Variants in CSMD3 observed in about 807,000 individuals in gnomAD.
The protein encoded by CSMD3 is CUB and Sushi multiple domains 3.
Under a neutral mutation model 435.2 loss-of-function variants are expected in CSMD3, and 177 were observed. That is an observed-to-expected ratio of 0.41 (90% CI 0.36 to 0.46). The LOEUF is 0.46. CSMD3 is among the 20% of genes least tolerant of loss of function. The pLI is 0.34. For synonymous variants in CSMD3, 1,656 were observed against 1,520.5 expected (o/e 1.09, Z -2.07); for missense variants, 4,265 against 4,504.6 (o/e 0.95, Z 1.52).
rs550130731 is a variant in CSMD3, at chr8:112,913,336, G to A, written c.1633+8291C>T. Among the ~76,000 whole-genome samples, 17 of 151,698 alleles carry A rather than the reference G, an allele frequency of 1.1e-4. No individual in the cohort carries two copies. In the South Asian group the frequency reaches 2.9e-3, roughly 26 times the overall value. ...ATGCACAGTTCACAATAGGGTTCACGCTCCTATGACAATCTAATGCTGCTG... is the reference window on the plus strand; with the variant it reads ...ATGCACAGTTCACAATAGGGTTCACACTCCTATGACAATCTAATGCTGCTG... On this transcript the variant is annotated intron_variant, in intron 10 of 70. Coordinates refer to ENST00000297405, the MANE Select transcript of CSMD3 (RefSeq NM_198123.2).
chr8:112,718,533 A>G (rs2076786311), intron 13 of CSMD3, among the ~76,000 whole-genome samples: 1 of 150,406 alleles, frequency 6.6e-6, no homozygotes, highest in African/African-American at 2.4e-5. Context: ...ATATATATAT[A>G]TATGCATAAA....
intron 6 of CSMD3, among the ~76,000 whole-genome samples, chr8:113,007,972 G>A (rs2086118673): frequency 6.6e-6 from 1 of 151,654 alleles, no homozygotes; most frequent in African/African-American, 2.4e-5. Context: ...AAAGAAATGA[G>A]AAATATTCAT....
At chr8:112,326,887 C>T (rs898581568) in intron 45 of CSMD3, among the ~76,000 whole-genome samples, 31 of 151,730 alleles carry the variant, frequency 2.0e-4, no homozygotes, top group African/African-American at 6.1e-4. Context: ...ACAGGTGTGG[C>T]GGTGCATGCC....
chr8:112,902,471 T>A (rs2082131762), intron 10 of CSMD3, among the ~76,000 whole-genome samples: 1 of 151,440 alleles, frequency 6.6e-6, no homozygotes, highest in African/African-American at 2.4e-5. Context: ...GGAGAAAATT[T>A]ATCTTCTACT....
chr8:112,935,695 G>A (rs2083259207), intron 9 of CSMD3, among the ~76,000 whole-genome samples: 1 of 138,204 alleles, frequency 7.2e-6, no homozygotes. Context: ...TCCAAAATGA[G>A]CTCAATTATG....
chr8:112,937,437 G>A (rs2083317328), intron 9 of CSMD3, among the ~76,000 whole-genome samples: 3 of 146,834 alleles, frequency 2.0e-5, no homozygotes. Context: ...TGCAACCTCT[G>A]CCTCCTGGGC....
chr8:113,030,327 C>T (rs1159726624), intron 5 of CSMD3, among the ~76,000 whole-genome samples: 1 of 140,964 alleles, frequency 7.1e-6, no homozygotes, highest in Non-Finnish European at 1.5e-5. Flanking sequence ...CAAAGCAAGA[C>T]TAAGCAAAAA....
chr8:112,703,531 G>A (rs1332252555), intron 13 of CSMD3, among the ~76,000 whole-genome samples: 1 of 152,098 alleles, frequency 6.6e-6, no homozygotes, highest in Admixed American at 6.6e-5. Flanking sequence ...CAGATTTCCA[G>A]CCAAATAATA....
chr8:113,338,896 C>T (rs748117498), intron 1 of CSMD3, among the ~76,000 whole-genome samples: 2 of 151,872 alleles, frequency 1.3e-5, no homozygotes, highest in African/African-American at 4.8e-5. Flanking sequence ...TTTGTATTCT[C>T]TAAAATATGA....
chr8:112,734,004 C>T (rs1331108286), intron 13 of CSMD3, among the ~76,000 whole-genome samples: 2 of 151,692 alleles, frequency 1.3e-5, no homozygotes, highest in African/African-American at 4.8e-5. Context: ...TTTGATATTG[C>T]TTAGGGAAGC....
At chr8:112,605,944 CAG>C (rs1832758621) in intron 22 of CSMD3, among the ~76,000 whole-genome samples, 1 of 152,024 alleles carries the variant, frequency 6.6e-6, no homozygotes, top group African/African-American at 2.4e-5. Flanking sequence ...GCCTTTAAAG[CAG>C]AGATATGGCT....
At position 112,666,287 on chromosome 8, in the gene CSMD3, T is replaced by C; in HGVS notation, c.2806A>G (p.Thr936Ala). The C allele has an allele frequency of 6.2e-7, 1 of 1,610,888 alleles. No homozygotes were observed. The highest frequency in any genetic ancestry group is 8.5e-7 in the Non-Finnish European group (1 of 1,177,846). The change falls in exon 17 of 71, where the codon ACA becomes GCA. Residue 936 changes from threonine to alanine, a missense_variant. Around this residue, in one of 3 missense-constraint regions of CSMD3, gnomAD observed 3,255 missense variants for 3,380.2 expected, o/e 0.96. Coordinates refer to ENST00000297405, the MANE Select transcript of CSMD3 (RefSeq NM_198123.2). Reference sequence around the variant, plus strand: ...AAATATTTGTGAGACCTTTCAAATGTAATTTTGATAGAGTGTCCAGGTTCA... The same window carrying C: ...AAATATTTGTGAGACCTTTCAAATGCAATTTTGATAGAGTGTCCAGGTTCA... ...EAEPGHSIKI[T>A]FERFQTELNY...
intron 17 of CSMD3, among the ~76,000 whole-genome samples, chr8:112,663,861 C>A (rs1586920112): frequency 6.6e-6 from 1 of 152,214 alleles, no homozygotes; most frequent in South Asian, 2.1e-4. Flanking sequence ...TGAGAGAGTG[C>A]AGCAGCCTCA....
intron 4 of CSMD3, among the ~76,000 whole-genome samples, chr8:113,154,432 A>G (rs1274903718): frequency 6.6e-6 from 1 of 152,000 alleles, no homozygotes; most frequent in East Asian, 1.9e-4. Context: ...AAAATGTGTG[A>G]CCTTTGAAAA....
At chr8:113,073,656 C>T (rs2089222258) in intron 5 of CSMD3, among the ~76,000 whole-genome samples, 1 of 151,708 alleles carries the variant, frequency 6.6e-6, no homozygotes, top group Non-Finnish European at 1.5e-5. Flanking sequence ...ATGTAGCAGC[C>T]TAACTTGTTA....
intron 4 of CSMD3, among the ~76,000 whole-genome samples, chr8:113,118,385 T>C (rs537673834): frequency 6.6e-6 from 1 of 152,320 alleles, no homozygotes; most frequent in African/African-American, 2.4e-5. Context: ...GAGGCAGTAA[T>C]GTGCTGAGCT....
At chr8:112,296,067 A>G (rs113782664) in intron 53 of CSMD3, 61 bp from the exon 54 acceptor site, 1 of 1,344,138 alleles carries the variant, frequency 7.4e-7, no homozygotes, top group African/African-American at 1.4e-5. Flanking sequence ...GTATATTTAT[A>G]TACATGTGGA....
chr8:113,201,955 A>G (rs1430983701), intron 3 of CSMD3, among the ~76,000 whole-genome samples: 1 of 152,098 alleles, frequency 6.6e-6, no homozygotes, highest in African/African-American at 2.4e-5. Flanking sequence ...CCCTATAGCT[A>G]TAACCCAAAC....
intron 1 of CSMD3, among the ~76,000 whole-genome samples, chr8:113,331,067 T>C (rs1192038212): frequency 1.3e-5 from 2 of 151,686 alleles, no homozygotes; most frequent in South Asian, 2.1e-4. Context: ...AAACTTTATA[T>C]AGACTAACCA....
Sources: gnomAD v4.1 joint callset for allele counts (sites outside exome capture counted in the v4.1 genomes callset) on GRCh38, gnomAD v4.1.1 for gene constraint, gnomAD v4.1.1 regional missense constraint, MANE v1.5 for transcripts, NCBI Gene and HGNC (gene_info 2026-07-23, HGNC 2026-07-21) for gene names.